SPAG17: variants seen among roughly 807,000 people sequenced by gnomAD.
SPAG17 encodes the protein sperm associated antigen 17.
Under a neutral mutation model 273.6 loss-of-function variants are expected in SPAG17, and 169 were observed. The ratio of observed to expected loss-of-function variants is 0.62; its 90% CI spans 0.55 to 0.70. The LOEUF (loss-of-function observed/expected upper bound fraction) is 0.70, where lower values mean the gene tolerates loss of function less well. SPAG17 is among the 30% of genes least tolerant of loss of function. The pLI, the probability that SPAG17 is intolerant of heterozygous loss-of-function variation, is 0.00. For missense variants in SPAG17, 2,557 were observed against 2,627.8 expected (o/e 0.97, Z 0.59); for synonymous variants, 825 against 873.2 (o/e 0.94, Z 0.97).
chr1:118,024,911 T>C (rs563404715), intron 27 of SPAG17, among the ~76,000 whole-genome samples: 4 of 152,344 alleles, frequency 2.6e-5, no homozygotes, highest in Admixed American at 6.5e-5. Context: ...CTATTATTGA[T>C]GACATGCCTT....
chr1:117,959,079 C>CT, intron 48 of SPAG17: 2 of 1,461,872 alleles, frequency 1.4e-6, no homozygotes, highest in Non-Finnish European at 1.9e-6. Flanking sequence ...GTATGCTGTG[C>CT]TTTGTCTTTA....
At chr1:118,145,924 A>G (rs143340663) in intron 3 of SPAG17, among the ~76,000 whole-genome samples, 497 of 152,166 alleles carry the variant, frequency 3.3e-3, no homozygotes, top group Admixed American at 6.0e-3. Flanking sequence ...TTTTGTGATG[A>G]CCTAATGCGT....
At chr1:118,133,682 C>A (rs1056301901) in intron 3 of SPAG17, among the ~76,000 whole-genome samples, 5 of 152,182 alleles carry the variant, frequency 3.3e-5, no homozygotes, top group Non-Finnish European at 5.9e-5. Context: ...CCTTGAGGCA[C>A]CTCCTGCAGC....
At chr1:118,126,704 C>G (rs1027090070) in intron 3 of SPAG17, among the ~76,000 whole-genome samples, 1 of 152,130 alleles carries the variant, frequency 6.6e-6, no homozygotes, top group Admixed American at 6.5e-5. Context: ...TCCCATTTAT[C>G]TATTTTTACT....
intron 18 of SPAG17, among the ~76,000 whole-genome samples, chr1:118,061,877 T>G (rs1652332736): frequency 6.6e-6 from 1 of 151,786 alleles, no homozygotes; most frequent in Non-Finnish European, 1.5e-5. Context: ...ATAAACAAAA[T>G]GGAACTCGAA....
At position 118,031,804 on chromosome 1, in the gene SPAG17, A is replaced by T; in HGVS notation, c.3497T>A (p.Val1166Asp). 1 of 1,613,538 alleles carries T rather than the reference A, an allele frequency of 6.2e-7. No homozygotes were observed. Among genetic ancestry groups the T allele is most frequent in the Non-Finnish European group, 8.5e-7 (1 of 1,179,620 alleles). ...TTGAGGAACGGTCACTATAACAGGA[A>T]CCACTGTTGGAGTGAGTGCTGAAGG... ...NIPSALTPTV[V>D]PVIVTVPQSK... The change falls in exon 25 of 49, where the codon GTT becomes GAT. Residue 1166 changes from valine (V) to aspartate (D), a missense_variant. Transcript: ENST00000336338.
chr1:118,120,018 C>T (rs959115364), intron 3 of SPAG17, among the ~76,000 whole-genome samples: 2 of 152,154 alleles, frequency 1.3e-5, no homozygotes, highest in Admixed American at 1.3e-4. Context: ...CATTGACAGA[C>T]ATTTAAACAA....
intron 17 of SPAG17, among the ~76,000 whole-genome samples, chr1:118,068,963 T>A (rs1229276078): frequency 6.6e-6 from 1 of 152,104 alleles, no homozygotes; most frequent in Non-Finnish European, 1.5e-5. Flanking sequence ...ATTAATGGAA[T>A]ATCTGATATA....
At chr1:118,027,063 T>C (rs1647837498) in intron 26 of SPAG17, among the ~76,000 whole-genome samples, 1 of 152,176 alleles carries the variant, frequency 6.6e-6, no homozygotes, top group African/African-American at 2.4e-5. Flanking sequence ...AAGCTGGGGT[T>C]TGATAACAGG....
intron 4 of SPAG17, among the ~76,000 whole-genome samples, chr1:118,109,858 G>T (rs1179116566): frequency 1.3e-5 from 2 of 152,042 alleles, no homozygotes; most frequent in East Asian, 1.9e-4. Context: ...GAGACCGTAG[G>T]TTAAACAATA....
Position 118,081,581 on chromosome 1 carries a change from C to T in SPAG17, c.1824G>A (p.Lys608=), listed in dbSNP as rs764960398. The T allele has an allele frequency of 6.2e-7, 1 of 1,613,916 alleles. No homozygotes were observed. The highest frequency in any genetic ancestry group is 1.3e-5 in the African/African-American group (1 of 74,892). ...TCCCTTTTTCATCAACCTCAGAGAG[C>T]TTCAGGCTCTCAAAAGTAAACACCT... ...AFKVFTFESL[K]LSEVDEKGKL... Residue 608 remains lysine, a synonymous_variant, in exon 14 of 49, where the codon AAG becomes AAA. Coordinates refer to ENST00000336338, the MANE Select transcript of SPAG17 (RefSeq NM_206996.4).
chr1:118,184,079 G>T (rs1054386603), intron 1 of SPAG17, among the ~76,000 whole-genome samples: 1 of 149,164 alleles, frequency 6.7e-6, no homozygotes, highest in African/African-American at 2.5e-5. Flanking sequence ...ACTGTTAATA[G>T]GAAAAAAAAA....
chr1:118,108,321 T>C (rs1440298240), intron 4 of SPAG17, among the ~76,000 whole-genome samples: 2 of 152,204 alleles, frequency 1.3e-5, no homozygotes, highest in Non-Finnish European at 2.9e-5. Flanking sequence ...GCCCCAATCA[T>C]AGGAAAATCA....
At chr1:118,135,419 G>GTATA (rs2102308102) in intron 3 of SPAG17, among the ~76,000 whole-genome samples, 1 of 150,754 alleles carries the variant, frequency 6.6e-6, no homozygotes, top group African/African-American at 2.4e-5. Context: ...GTATGTGTGT[G>GTATA]TGTGTGTGTG....
At chr1:118,103,663 G>T (rs1037487310) in intron 4 of SPAG17, among the ~76,000 whole-genome samples, 3 of 152,014 alleles carry the variant, frequency 2.0e-5, no homozygotes, top group Non-Finnish European at 4.4e-5. Flanking sequence ...CAAACAAACA[G>T]ATAAAAATGT....
chr1:118,131,992 A>T (rs1658077693), intron 3 of SPAG17, among the ~76,000 whole-genome samples: 1 of 152,214 alleles, frequency 6.6e-6, no homozygotes, highest in Non-Finnish European at 1.5e-5. Flanking sequence ...ATTCAAAGAC[A>T]AAAGAAGCAG....
At chr1:118,084,600 T>A (rs1454136195) in intron 13 of SPAG17, among the ~76,000 whole-genome samples, 2 of 152,210 alleles carry the variant, frequency 1.3e-5, no homozygotes, top group African/African-American at 4.8e-5. Flanking sequence ...TGGCTCTTCC[T>A]GCTGTGAGAA....
In SPAG17 at chr1:118,040,722, A is replaced by G. The variant is rs1020243248; in HGVS notation, c.3166+8T>C. 1.3e-6 allele frequency: 2 copies of G among 1,554,796 alleles called. No individual in the cohort carries two copies. Among genetic ancestry groups the G allele is most frequent in the African/African-American group, 2.7e-5 (2 of 73,898 alleles). ...TCCAATCATTAACCAGTTGCTTTCA[A>G]AATGTACCTTTTTCAAACATTGTCT... On this transcript the variant is annotated splice_region_variant and intron_variant, in intron 22 of 48. Coordinates refer to ENST00000336338, the MANE Select transcript of SPAG17 (RefSeq NM_206996.4).
At position 118,053,959 on chromosome 1, in the gene SPAG17, T is replaced by C. The variant is rs1175511643; in HGVS notation, c.2814+43A>G. 4.9e-6 allele frequency: 7 copies of C among 1,426,396 alleles called. No individual in the cohort carries two copies. In the South Asian group the frequency reaches 7.1e-5, roughly 14 times the overall value. The allele number at this position is 1,426,396 out of a possible 1,614,324, so 88.4% of individuals were successfully genotyped here. A position where few individuals can be genotyped will look rare whatever the true frequency, so the allele number is the denominator to read the frequency against. ...CAACCACTATCCTGTTGTGTAATACTTTAGTTTTGCCTGTTTTTTAAACTT... is the reference window on the plus strand; with the variant it reads ...CAACCACTATCCTGTTGTGTAATACCTTAGTTTTGCCTGTTTTTTAAACTT... On this transcript the variant is annotated intron_variant, in intron 20 of 48. Coordinates refer to ENST00000336338, the MANE Select transcript of SPAG17 (RefSeq NM_206996.4).
Sources: gnomAD v4.1 joint callset for allele counts (sites outside exome capture counted in the v4.1 genomes callset) on GRCh38, gnomAD v4.1.1 for gene constraint, MANE v1.5 for transcripts, NCBI Gene and HGNC (gene_info 2026-07-23, HGNC 2026-07-21) for gene names.